ITPKC: variants seen among roughly 807,000 people sequenced by gnomAD.
The protein encoded by ITPKC is inositol-trisphosphate 3-kinase C.
ITPKC carries 33 observed loss-of-function variants against 67.1 expected under a neutral mutation model. The observed-to-expected ratio is 0.49, with a 90% CI of 0.37 to 0.66. The LOEUF is 0.66. Among genes scored for constraint, ITPKC ranks in the 30% least tolerant of loss-of-function variants. The pLI is 0.00. For missense variants in ITPKC, 820 were observed against 892.1 expected, an observed-to-expected ratio of 0.92 and a Z score of 1.03; for synonymous variants, 341 against 359.8, an observed-to-expected ratio of 0.95 and a Z score of 0.59.
chr19:40,738,375 G>A (rs2082305289), intron 6 of ITPKC, among the ~76,000 whole-genome samples: 1 of 152,122 alleles, frequency 6.6e-6, no homozygotes, highest in African/African-American at 2.4e-5. Context: ...CTTGCAGTGA[G>A]CCGAGATTGT....
At chr19:40,718,676 A>C (rs1172863038) in intron 1 of ITPKC, among the ~76,000 whole-genome samples, 2 of 152,178 alleles carry the variant, frequency 1.3e-5, no homozygotes, top group African/African-American at 4.8e-5. Context: ...ACACTGGGAT[A>C]GGGAGACAGG....
chr19:40,738,653 A>G (rs2082306821), intron 6 of ITPKC, among the ~76,000 whole-genome samples: 1 of 152,230 alleles, frequency 6.6e-6, no homozygotes, highest in Non-Finnish European at 1.5e-5. Flanking sequence ...TCAAGGCTGC[A>G]GTGCATTTTG....
At chr19:40,725,304 CT>C in intron 1 of ITPKC, 35 bp from the exon 2 acceptor site, 1 of 1,432,918 alleles carries the variant, frequency 7.0e-7, no homozygotes, top group Non-Finnish European at 9.8e-7. Flanking sequence ...CTTCCCTGGC[CT>C]TGGCCCTGAC....
rs776397613 is a variant in ITPKC, at chr19:40,718,303, C to T, written c.1155+13C>T. 3 of 1,500,584 alleles carry T rather than the reference C, an allele frequency of 2.0e-6. No homozygotes were observed. Among genetic ancestry groups the T allele is most frequent in the Admixed American group, 2.3e-5 (1 of 43,956 alleles). 93.0% of individuals were successfully genotyped at this position (1,500,584 alleles called of 1,614,324 possible). A position where few individuals can be genotyped will look rare whatever the true frequency, so the allele number is the denominator to read the frequency against. ...GGACAGGTCTGGGGTGAGTGGGACCCATCCTGCCCTTGAGCCACATCACGC... is the reference window on the plus strand; with the variant it reads ...GGACAGGTCTGGGGTGAGTGGGACCTATCCTGCCCTTGAGCCACATCACGC... On this transcript the variant is annotated intron_variant, in intron 1 of 6. Transcript: ENST00000263370.
At chr19:40,733,455 G>C in intron 4 of ITPKC, 91 bp downstream of exon 4, 3 of 1,232,776 alleles carry the variant, frequency 2.4e-6, no homozygotes, top group Non-Finnish European at 3.4e-6. Context: ...AGAGAGTGCA[G>C]GAGACGGCGT....
At chr19:40,723,729 T>C (rs1252649996) in intron 1 of ITPKC, among the ~76,000 whole-genome samples, 1 of 152,076 alleles carries the variant, frequency 6.6e-6, no homozygotes, top group Non-Finnish European at 1.5e-5. Context: ...ACTCCTGACC[T>C]CAGGTGATCT....
At chr19:40,731,810 T>G (rs991309024) in intron 3 of ITPKC, among the ~76,000 whole-genome samples, 1 of 151,888 alleles carries the variant, frequency 6.6e-6, no homozygotes. Flanking sequence ...CTGGGGAGGG[T>G]CCTAAGACCC....
chr19:40,736,843 TAA>T, intron 4 of ITPKC, 141 bp from the exon 5 acceptor site: 1 of 509,058 alleles, frequency 2.0e-6, no homozygotes, highest in Non-Finnish European at 3.6e-6. Context: ...TTTTTTTTTT[TAA>T]ATAGAGATGG....
intron 1 of ITPKC, among the ~76,000 whole-genome samples, chr19:40,720,669 G>C (rs760001051): frequency 1.3e-5 from 2 of 151,948 alleles, no homozygotes; most frequent in Non-Finnish European, 2.9e-5. Flanking sequence ...TGGAGCCTCC[G>C]GTCTCCAGGC....
chr19:40,737,079 G>A lies in ITPKC; in HGVS notation c.1768G>A (p.Val590Ile), dbSNP rs376866891. The A allele has an allele frequency of 3.9e-5, 61 of 1,565,072 alleles. No individual in the cohort carries two copies. The highest frequency in any genetic ancestry group is 7.0e-5 in the South Asian group (6 of 86,178). ...GGAGGACTTCGTGGATGGAGACCACGTCATCCTGGTGAGTGGGACACCCAT... is the reference window on the plus strand; with the variant it reads ...GGAGGACTTCGTGGATGGAGACCACATCATCCTGGTGAGTGGGACACCCAT... The part of the protein sequence containing the change: ...VLEDFVDGDH[V>I]ILQKYVACLE... The change falls in exon 5 of 7, where the codon GTC (valine) becomes ATC (isoleucine). Residue 590 changes from valine (V) to isoleucine (I), a missense_variant. Coordinates refer to ENST00000263370, the MANE Select transcript of ITPKC (RefSeq NM_025194.3).
chr19:40,724,006 C>T (rs2082234479), intron 1 of ITPKC, among the ~76,000 whole-genome samples: 1 of 152,204 alleles, frequency 6.6e-6, no homozygotes, highest in African/African-American at 2.4e-5. Flanking sequence ...GCTGAGGGAG[C>T]TTCCATTTCT....
rs536718009 is a variant in ITPKC, at chr19:40,739,368, C to T, written c.1860C>T (p.Ser620=). ...PFFKTHEVVG[S]SLLFVHDHTG... is the part of the protein sequence containing the mutation. ...CTCTACCCCGGCAGGTGGTAGGCAGCTCCCTCCTCTTCGTGCACGACCACA... is the reference window on the plus strand; with the variant it reads ...CTCTACCCCGGCAGGTGGTAGGCAGTTCCCTCCTCTTCGTGCACGACCACA... The change falls in exon 7 of 7, where the codon AGC becomes AGT. Residue 620 remains serine (S), a synonymous_variant. Transcript: ENST00000263370. 5 of 1,613,688 alleles carry T rather than the reference C, an allele frequency of 3.1e-6. No homozygotes were observed. In the African/African-American group the frequency reaches 5.3e-5, roughly 17 times the overall value.
intron 3 of ITPKC, among the ~76,000 whole-genome samples, chr19:40,731,595 GTTTTT>G (rs776003885): frequency 2.5e-5 from 2 of 81,070 alleles, no homozygotes; most frequent in Non-Finnish European, 4.5e-5. Context: ...CCAATCCTTG[GTTTTT>G]TTTTTTTTTT....
intron 6 of ITPKC, among the ~76,000 whole-genome samples, chr19:40,738,000 A>C (rs969361103): frequency 6.6e-6 from 1 of 151,744 alleles, no homozygotes; most frequent in Non-Finnish European, 1.5e-5. Context: ...TGGAAAAAAA[A>C]AAAAAAAAAA....
chr19:40,724,598 T>C (rs1382556866), intron 1 of ITPKC, among the ~76,000 whole-genome samples: 1 of 152,050 alleles, frequency 6.6e-6, no homozygotes, highest in Non-Finnish European at 1.5e-5. Flanking sequence ...AACTCCTGCC[T>C]CTATAATTTT....
Position 40,717,582 on chromosome 19 carries a change from G to A in ITPKC, c.447G>A (p.Pro149=). The A allele has an allele frequency of 6.2e-7, 1 of 1,614,122 alleles. No individual in the cohort carries two copies. The highest frequency in any genetic ancestry group is 8.5e-7 in the Non-Finnish European group (1 of 1,180,012). ...ETGTDGLWTD[P]HRSDLQFQPE... ...GGACAGATGGCCTTTGGACTGATCC[G>A]CACAGGTCCGACCTCCAGTTTCAGC... The change falls in exon 1 of 7, where the codon CCG becomes CCA. Residue 149 remains proline (P), a synonymous_variant. Transcript: ENST00000263370.
At chr19:40,729,640 G>A (rs149746489) in intron 3 of ITPKC, among the ~76,000 whole-genome samples, 146 of 152,186 alleles carry the variant, frequency 9.6e-4, no homozygotes, top group African/African-American at 3.4e-3. Flanking sequence ...GGTGGTGCAT[G>A]CCTGTAATCC....
chr19:40,720,795 G>A (rs1283354404), intron 1 of ITPKC, among the ~76,000 whole-genome samples: 1 of 152,074 alleles, frequency 6.6e-6, no homozygotes, highest in East Asian at 1.9e-4. Flanking sequence ...CATTGCTCAA[G>A]CCGTTCCCAC....
chr19:40,733,342 G>T lies in ITPKC; in HGVS notation c.1652G>T (p.Gly551Val). The T allele has an allele frequency of 6.2e-7, 1 of 1,612,014 alleles. No homozygotes were observed. The highest frequency in any genetic ancestry group is 8.5e-7 in the Non-Finnish European group (1 of 1,179,092). The change falls in exon 4 of 7, where the codon GGC becomes GTC. Residue 551 changes from glycine to valine, a missense_variant. By Grantham distance (109) the Gly-to-Val change is moderately radical. Around this residue, in one of 2 missense-constraint regions of ITPKC, gnomAD observed 339 missense variants for 422.0 expected, o/e 0.80. Transcript: ENST00000263370. ...ACCATGAGCTCCACCTCTACCCTGG[G>T]CTTCCGGATCGAGGGCATCAAGGTG... ...RETMSSTSTL[G>V]FRIEGIKKAD...
Sources: allele counts gnomAD v4.1 joint callset (sites outside exome capture counted in the v4.1 genomes callset), GRCh38; gene constraint gnomAD v4.1.1; regional missense constraint gnomAD v4.1.1; transcripts MANE v1.5; gene names NCBI Gene and HGNC (gene_info 2026-07-23, HGNC 2026-07-21).